The following KIAA1217 variants were observed in gnomAD, a reference collection of about 807,000 sequenced individuals.
KIAA1217 encodes the protein KIAA1217.
In KIAA1217, 88 loss-of-function variants were observed where a neutral mutation model predicts 163.9. The observed-to-expected ratio is 0.54, with a 90% CI of 0.45 to 0.64. The LOEUF (loss-of-function observed/expected upper bound fraction) is 0.64, where lower values mean the gene tolerates loss of function less well. Ranked by LOEUF, KIAA1217 falls within the 30% of genes least tolerant of loss-of-function variation. The probability of loss-of-function intolerance (pLI) is 0.00; values close to 1 mark genes in which losing one functional copy is unlikely to be tolerated. For synonymous variants in KIAA1217, 903 were observed against 923.1 expected (o/e 0.98, Z 0.39); for missense variants, 2,372 against 2,475.0 (o/e 0.96, Z 0.88).
At chr10:23,891,906 G>T (rs953989315) in intron 1 of KIAA1217, among the ~76,000 whole-genome samples, 1 of 151,712 alleles carries the variant, frequency 6.6e-6, no homozygotes, top group Admixed American at 6.6e-5. Context: ...AAGTCCACTG[G>T]GTACATTAAG....
intron 2 of KIAA1217, among the ~76,000 whole-genome samples, chr10:24,314,952 T>A (rs1045976667): frequency 2.7e-4 from 41 of 151,634 alleles, no homozygotes; most frequent in African/African-American, 6.8e-4. Flanking sequence ...GAAAAAAAAA[T>A]AATAATAATA....
intron 1 of KIAA1217, among the ~76,000 whole-genome samples, chr10:23,906,473 G>A (rs1346017719): frequency 3.3e-5 from 5 of 152,142 alleles, no homozygotes; most frequent in African/African-American, 4.8e-5. Flanking sequence ...TTATTGTTAT[G>A]TGTGTAAAAC....
intron 1 of KIAA1217, among the ~76,000 whole-genome samples, chr10:23,991,834 TGGGGGCAGGG>T (rs1335534612): frequency 6.6e-6 from 1 of 152,122 alleles, no homozygotes; most frequent in Admixed American, 6.5e-5. Flanking sequence ...AATAATCTGT[TGGGGGCAGGG>T]GGATTCATGA....
chr10:24,523,849 G>A (rs746537167), intron 12 of KIAA1217, among the ~76,000 whole-genome samples: 8 of 152,188 alleles, frequency 5.3e-5, no homozygotes, highest in South Asian at 2.1e-4. Context: ...GAATAAACAC[G>A]ACCGTTAGAT....
intron 1 of KIAA1217, among the ~76,000 whole-genome samples, chr10:23,934,407 T>C (rs1044500981): frequency 1.3e-5 from 2 of 149,956 alleles, no homozygotes; most frequent in African/African-American, 4.9e-5. Context: ...GGAGGGAGCT[T>C]AGAGAATGGG....
At chr10:24,438,568 C>A in intron 5 of KIAA1217, 89 bp downstream of exon 5, 1 of 870,730 alleles carries the variant, frequency 1.1e-6, no homozygotes, top group Non-Finnish European at 1.9e-6. Flanking sequence ...CAGAACTCTA[C>A]AACTGAGTTT....
chr10:24,507,441 A>G (rs2068520145), intron 9 of KIAA1217, among the ~76,000 whole-genome samples: 1 of 152,228 alleles, frequency 6.6e-6, no homozygotes, highest in African/African-American at 2.4e-5. Context: ...GAAGACATGA[A>G]CATAATGAGG....
intron 2 of KIAA1217, among the ~76,000 whole-genome samples, chr10:24,067,565 C>G (rs569794225): frequency 2.5e-4 from 38 of 152,220 alleles, no homozygotes; most frequent in Non-Finnish European, 5.4e-4. Flanking sequence ...TGGGGGATGC[C>G]TCCCAGTTAG....
At chr10:24,379,296 A>G (rs2052968558) in intron 2 of KIAA1217, among the ~76,000 whole-genome samples, 1 of 152,230 alleles carries the variant, frequency 6.6e-6, no homozygotes, top group Admixed American at 6.5e-5. Context: ...TGTCAAAGCC[A>G]GATCCCCATA....
In KIAA1217 at chr10:24,524,447, C is replaced by G. The variant is rs1167563199; in HGVS notation, c.2581C>G (p.Gln861Glu). Residue 861 changes from glutamine (Q) to glutamate (E), a missense_variant, in exon 13 of 21, where the codon CAG (glutamine) becomes GAG (glutamate). By Grantham distance (29) the Gln-to-Glu change is conservative. Coordinates refer to ENST00000376454, the MANE Select transcript of KIAA1217 (RefSeq NM_019590.5). ...GGAGGAGGCAGCCCACACCTCCGGC[C>G]AGCCCTTCCACAGCACAGGTGCCCC... ...SQEEAAHTSG[Q>E]PFHSTGAPGD... is the part of the protein sequence containing the mutation. The G allele has an allele frequency of 1.2e-6, 2 of 1,614,124 alleles. No homozygotes were observed. Among genetic ancestry groups the G allele is most frequent in the East Asian group, 4.5e-5 (2 of 44,892 alleles).
At chr10:24,309,352 A>ACGCGCGCGCGCG (rs2042408772) in intron 2 of KIAA1217, among the ~76,000 whole-genome samples, 1 of 89,622 alleles carries the variant, frequency 1.1e-5, no homozygotes, top group Non-Finnish European at 2.4e-5. Context: ...GCGCGCGCGC[A>ACGCGCGCGCGCG]CACACACACA....
At chr10:23,854,341 T>A (rs2131107807) in intron 1 of KIAA1217, among the ~76,000 whole-genome samples, 1 of 152,332 alleles carries the variant, frequency 6.6e-6, no homozygotes, top group East Asian at 1.9e-4. Flanking sequence ...AGTTTCTTAA[T>A]CCTAAGTTCT....
chr10:24,454,621 G>C (rs1400040223), intron 5 of KIAA1217, among the ~76,000 whole-genome samples: 1 of 152,118 alleles, frequency 6.6e-6, no homozygotes, highest in Non-Finnish European at 1.5e-5. Context: ...TAAAGCATAG[G>C]ACTGGTGGTC....
chr10:23,790,544 C>CATATATACATATGTACATATGTAT lies in KIAA1217; in HGVS notation c.-321+95316_-321+95339dup, dbSNP rs1835842728. Among the ~76,000 whole-genome samples, 3 of 93,564 alleles carry CATATATACATATGTACATATGTAT rather than the reference C, an allele frequency of 3.2e-5. 1 individual carries two copies. The highest frequency in any genetic ancestry group is 5.5e-5 in the Non-Finnish European group (3 of 54,952). The allele number at this position is 93,564 out of a possible 152,430, so 61.4% of individuals were successfully genotyped here. On this transcript the variant is annotated intron_variant, in intron 1 of 18. Coordinates refer to the KIAA1217 transcript ENST00000376462. The stretch of plus-strand genomic sequence containing the variant: ...ATATACATATATACATATACATGTG[C>CATATATACATATGTACATATGTAT]ATATATACATATGTACATATGTATA...
At chr10:24,494,313 C>A (rs2066502329) in intron 6 of KIAA1217, among the ~76,000 whole-genome samples, 187 bp from the exon 7 acceptor site, 2 of 152,126 alleles carry the variant, frequency 1.3e-5, no homozygotes, top group Non-Finnish European at 1.5e-5. Context: ...TGGCTTGATA[C>A]TGAACACTGA....
chr10:24,298,889 T>G (rs983925974), intron 2 of KIAA1217, among the ~76,000 whole-genome samples: 2 of 152,168 alleles, frequency 1.3e-5, no homozygotes, highest in Admixed American at 6.5e-5. Flanking sequence ...AGGGAATTCA[T>G]GTATGGGGCA....
rs548908521 is a variant in KIAA1217 at position 23,790,557 on chromosome 10, G to A, written c.-321+95323G>A. ...CATATACATGTGCATATATACATAT[G>A]TACATATGTATATATACATATGTAT... On this transcript the variant is annotated intron_variant, in intron 1 of 18. Transcript: ENST00000376462. Among the ~76,000 whole-genome samples, 228 of 69,400 alleles carry A rather than the reference G, an allele frequency of 3.3e-3. 25 individuals are homozygous for A. Among genetic ancestry groups the A allele is most frequent in the East Asian group, 0.027 (91 of 3,328 alleles). The allele number at this position is 69,400 out of a possible 152,430, so 45.5% of individuals were successfully genotyped here. A position where few individuals can be genotyped will look rare whatever the true frequency, so the allele number is the denominator to read the frequency against.
At position 24,232,935 on chromosome 10, in the gene KIAA1217, CAAAAAAAA is replaced by C. The variant is rs908492411; in HGVS notation, c.354+13046_354+13053del. On this transcript the variant is annotated intron_variant, in intron 2 of 20. Transcript: ENST00000376454. The stretch of plus-strand genomic sequence containing the variant: ...GCAACATGGTAAAACCTTATCTCTA[CAAAAAAAA>C]AAAAAAAAAAAAAAAAAAAGAATAA... Among the ~76,000 whole-genome samples the C allele has an allele frequency of 5.7e-4, 32 of 56,318 alleles. No homozygotes were observed. In the East Asian group the frequency reaches 7.1e-3, roughly 12 times the overall value. The allele number at this position is 56,318 out of a possible 152,430, so 36.9% of individuals were successfully genotyped here. A position where few individuals can be genotyped will look rare whatever the true frequency, so the allele number is the denominator to read the frequency against.
chr10:24,117,739 G>T (rs75671011), intron 2 of KIAA1217, among the ~76,000 whole-genome samples: 2 of 152,182 alleles, frequency 1.3e-5, no homozygotes, highest in African/African-American at 4.8e-5. Context: ...CTCTGCAGTC[G>T]TAAGCAGCTT....
Sources: gnomAD v4.1 joint callset for allele counts (sites outside exome capture counted in the v4.1 genomes callset) on GRCh38, gnomAD v4.1.1 for gene constraint, MANE v1.5 for transcripts, NCBI Gene and HGNC (gene_info 2026-07-23, HGNC 2026-07-21) for gene names.